Variants in MEP1B observed in about 807,000 individuals in gnomAD.
The protein encoded by MEP1B is meprin A subunit beta, also known as N-benzoyl-L-tyrosyl-P-amino-benzoic acid hydrolase subunit beta.
Under a neutral mutation model 84.6 loss-of-function variants are expected in MEP1B, and 80 were observed. That is an observed-to-expected ratio of 0.95 (90% confidence interval 0.79 to 1.14). MEP1B has a LOEUF of 1.14. Among genes scored for constraint, MEP1B ranks in the 50% most tolerant of loss-of-function variants. The probability of loss-of-function intolerance (pLI) is 0.00; values close to 1 mark genes in which losing one functional copy is unlikely to be tolerated. For missense variants in MEP1B, 766 were observed against 855.1 expected, an observed-to-expected ratio of 0.90 and a Z score of 1.30; for synonymous variants, 273 against 288.1, an observed-to-expected ratio of 0.95 and a Z score of 0.53.
intron 12 of MEP1B, 34 bp from the exon 13 acceptor site, chr18:32,216,957 T>C: frequency 6.3e-7 from 1 of 1,599,368 alleles, no homozygotes; most frequent in Non-Finnish European, 8.5e-7. Flanking sequence ...AAACAAAAGC[T>C]GATTTCCATC....
rs2040977527 is a variant in MEP1B, at chr18:32,207,445, A to G, written c.741A>G (p.Leu247=). ...TGGATTTCAGTGACTCTGATCTCCTAAAGTTGAATCAACTGTATAACTGCT... is the reference window on the plus strand; with the variant it reads ...TGGATTTCAGTGACTCTGATCTCCTGAAGTTGAATCAACTGTATAACTGCT... ...QRMDFSDSDL[L]KLNQLYNCSS... is the part of the protein sequence containing the mutation. Residue 247 remains leucine, a synonymous_variant, in exon 8 of 15, where the codon CTA becomes CTG. Transcript: ENST00000269202. 1.2e-6 allele frequency: 2 copies of G among 1,611,230 alleles called. No homozygotes were observed. Among genetic ancestry groups the G allele is most frequent in the African/African-American group, 1.3e-5 (1 of 74,904 alleles).
Position 32,208,229 on chromosome 18 carries a change from A to AG in MEP1B, c.882dup (p.Pro295AlafsTer4). On this transcript the variant is annotated frameshift_variant, in exon 9 of 15. Coordinates refer to ENST00000269202, the MANE Select transcript of MEP1B (RefSeq NM_005925.3). LOFTEE classifies it high-confidence loss of function. ...CTGGCAACGGGTTTCACAGGTTCCCAGGGGGCCAGAGAGTGATCACTCCAA... is the reference window on the plus strand; with the variant it reads ...CTGGCAACGGGTTTCACAGGTTCCCAGGGGGGCCAGAGAGTGATCACTCCAA... The AG allele has an allele frequency of 6.2e-7, 1 of 1,613,972 alleles. No homozygotes were observed. The highest frequency in any genetic ancestry group is 8.5e-7 in the Non-Finnish European group (1 of 1,179,858).
At chr18:32,206,273 G>A (rs1418908659) in intron 7 of MEP1B, among the ~76,000 whole-genome samples, 1 of 152,152 alleles carries the variant, frequency 6.6e-6, no homozygotes, top group Non-Finnish European at 1.5e-5. Flanking sequence ...GCATGTCAAT[G>A]CTTTTTAATG....
At chr18:32,198,149 A>G (rs1009918006) in intron 5 of MEP1B, among the ~76,000 whole-genome samples, 1 of 152,202 alleles carries the variant, frequency 6.6e-6, no homozygotes, top group Non-Finnish European at 1.5e-5. Context: ...TGGATAGAAA[A>G]GCATATGCAT....
chr18:32,191,504 T>G (rs1233177650), intron 1 of MEP1B, among the ~76,000 whole-genome samples: 1 of 152,046 alleles, frequency 6.6e-6, no homozygotes, highest in Non-Finnish European at 1.5e-5. Context: ...GAAAATCGTG[T>G]GTAAAGTGAG....
chr18:32,191,725 A>G, intron 1 of MEP1B, 97 bp from the exon 2 acceptor site: 1 of 759,902 alleles, frequency 1.3e-6, no homozygotes, highest in Non-Finnish European at 2.1e-6. Flanking sequence ...TTAATGACAA[A>G]ACAAACAAAC....
At chr18:32,216,953 A>C (rs187468167) in intron 12 of MEP1B, 38 bp from the exon 13 acceptor site, 175 of 1,594,564 alleles carry the variant, frequency 1.1e-4, no homozygotes, top group Non-Finnish European at 9.1e-5. Flanking sequence ...TGTTAAACAA[A>C]AGCTGATTTC....
At position 32,190,109 on chromosome 18, in the gene MEP1B, T is replaced by C. The variant is rs757446660; in HGVS notation, c.39T>C (p.Asp13=). The C allele has an allele frequency of 6.2e-7, 1 of 1,613,590 alleles. No individual in the cohort carries two copies. Among genetic ancestry groups the C allele is most frequent in the South Asian group, 1.1e-5 (1 of 90,988 alleles). Residue 13 remains aspartate, a synonymous_variant, in exon 1 of 15, where the codon GAT becomes GAC. Transcript: ENST00000269202. ...ATCTGTCTTGGTTTCTGTTCTTGGA[T>C]GCTCTTCTCGTGATTTCTGGCTTGG... ...LWNLSWFLFL[D]ALLVISGLAT...
Position 32,196,605 on chromosome 18 carries a change from T to A in MEP1B, c.250+1120T>A, listed in dbSNP as rs1019411064. The stretch of plus-strand genomic sequence containing the variant: ...GTCCAGGAAGCACAGCGACAGGTCG[T>A]ACTCCATCACCCTGTGCAGCACCCG... On this transcript the variant is annotated intron_variant, in intron 5 of 14. Coordinates refer to ENST00000269202, the MANE Select transcript of MEP1B (RefSeq NM_005925.3). This position sits in a 1 kb window ranked among gnomAD's most constrained non-coding sequence, Gnocchi z 4.4. 1.4e-5 allele frequency: 10 copies of A among 723,070 alleles called. No individual in the cohort carries two copies. The Admixed American group carries it at 1.8e-4, about 13-fold the overall frequency. 44.8% of individuals were successfully genotyped at this position (723,070 alleles called of 1,614,324 possible). A position where few individuals can be genotyped will look rare whatever the true frequency, so the allele number is the denominator to read the frequency against.
chr18:32,203,190 TACATG>T lies in MEP1B; in HGVS notation c.368+181_368+185del. 4 of 516,228 alleles carry T rather than the reference TACATG, an allele frequency of 7.7e-6. No homozygotes were observed. In the South Asian group the frequency reaches 1.2e-4, roughly 15 times the overall value. The allele number at this position is 516,228 out of a possible 1,614,324, so 32.0% of individuals were successfully genotyped here. A position where few individuals can be genotyped will look rare whatever the true frequency, so the allele number is the denominator to read the frequency against. ...TGTAGACATAGAAATTATATTCCCA[TACATG>T]TAACCGCCTTTAGACAAAGTGGAAA... On this transcript the variant is annotated intron_variant, in intron 6 of 14. Coordinates refer to ENST00000269202, the MANE Select transcript of MEP1B (RefSeq NM_005925.3).
chr18:32,211,204 G>A (rs1172379044), intron 10 of MEP1B, among the ~76,000 whole-genome samples: 1 of 152,126 alleles, frequency 6.6e-6, no homozygotes, highest in Admixed American at 6.5e-5. Flanking sequence ...GGAGGCGGGG[G>A]TGGCAGTTGA....
chr18:32,199,664 G>GTTTGTTCCTTCC (rs2040890671), intron 5 of MEP1B, among the ~76,000 whole-genome samples: 1 of 91,098 alleles, frequency 1.1e-5, no homozygotes, highest in African/African-American at 5.7e-5. Flanking sequence ...TTTTCCTTTC[G>GTTTGTTCCTTCC]TTCGTTCCTT....
chr18:32,203,558 T>C (rs2144400157), intron 6 of MEP1B, among the ~76,000 whole-genome samples: 1 of 152,294 alleles, frequency 6.6e-6, no homozygotes, highest in African/African-American at 2.4e-5. Context: ...ATATTTGGTG[T>C]TAGGGCAAGT....
intron 7 of MEP1B, among the ~76,000 whole-genome samples, chr18:32,206,298 T>C (rs897358001): frequency 6.6e-6 from 1 of 152,226 alleles, no homozygotes; most frequent in African/African-American, 2.4e-5. Flanking sequence ...CTCTGTAGGA[T>C]AACTAGAAAG....
chr18:32,205,979 CTTTA>C (rs1299427785), intron 7 of MEP1B, among the ~76,000 whole-genome samples: 3 of 151,766 alleles, frequency 2.0e-5, no homozygotes, highest in Non-Finnish European at 4.4e-5. Context: ...AGTCATTATG[CTTTA>C]TTTATTTATT....
chr18:32,191,404 CT>C (rs1172885328), intron 1 of MEP1B, among the ~76,000 whole-genome samples: 1 of 151,888 alleles, frequency 6.6e-6, no homozygotes, highest in African/African-American at 2.4e-5. Context: ...AATAACATTT[CT>C]TTTTAAAGAA....
intron 7 of MEP1B, 21 bp from the exon 8 acceptor site, chr18:32,207,231 G>T: frequency 2.0e-6 from 3 of 1,524,268 alleles, no homozygotes; most frequent in Non-Finnish European, 2.7e-6. Flanking sequence ...ATCAAGTAAA[G>T]ATTTTTTATT....
chr18:32,213,543 C>T lies in MEP1B; in HGVS notation c.1563C>T (p.Asp521=), dbSNP rs1167028705. Residue 521 remains aspartate (D), a synonymous_variant, in exon 11 of 15, where the codon GAC becomes GAT. Transcript: ENST00000269202. ...CCAATCAGCGGAGTATAACTACAGA[C>T]CCATTTATGACCACCGGTTCGTAAC... The part of the protein sequence containing the change: ...RMSNQRSITT[D]PFMTTDNGNY... 1 of 1,611,302 alleles carries T rather than the reference C, an allele frequency of 6.2e-7. No individual in the cohort carries two copies. Among genetic ancestry groups the T allele is most frequent in the Admixed American group, 1.7e-5 (1 of 59,960 alleles).
intron 12 of MEP1B, among the ~76,000 whole-genome samples, chr18:32,215,747 C>G (rs1488670311): frequency 6.6e-6 from 1 of 152,026 alleles, no homozygotes; most frequent in Non-Finnish European, 1.5e-5. Flanking sequence ...TGGTGTGAAC[C>G]CGGGAGGCGG....
Sources: allele counts gnomAD v4.1 joint callset (sites outside exome capture counted in the v4.1 genomes callset), GRCh38; gene constraint gnomAD v4.1.1; non-coding constraint Gnocchi (gnomAD v3.1); transcripts MANE v1.5; gene names NCBI Gene and HGNC (gene_info 2026-07-23, HGNC 2026-07-21).